PDE4B: variants seen among roughly 807,000 people sequenced by gnomAD.
The protein encoded by PDE4B is 3',5'-cyclic-AMP phosphodiesterase 4B.
In PDE4B, 20 loss-of-function variants were observed where a neutral mutation model predicts 82.2. The ratio of observed to expected loss-of-function variants is 0.24; its 90% CI spans 0.17 to 0.35. The LOEUF (loss-of-function observed/expected upper bound fraction) is 0.35. Ranked by LOEUF, PDE4B falls within the 10% of genes least tolerant of loss-of-function variation. The probability of loss-of-function intolerance (pLI) is 1.00; values close to 1 mark genes in which losing one functional copy is unlikely to be tolerated. For synonymous variants in PDE4B, 320 were observed against 318.9 expected, an observed-to-expected ratio of 1.00 and a Z score of -0.04; for missense variants, 655 against 907.2, an observed-to-expected ratio of 0.72 and a Z score of 3.57.
chr1:66,284,771 T>A (rs980340664), intron 7 of PDE4B, among the ~76,000 whole-genome samples: 1 of 152,162 alleles, frequency 6.6e-6, no homozygotes, highest in African/African-American at 2.4e-5. Flanking sequence ...GGTGTAGGGA[T>A]ATGCAGGACA....
intron 1 of PDE4B, among the ~76,000 whole-genome samples, chr1:65,887,621 T>G (rs1479629510): frequency 6.6e-6 from 1 of 151,306 alleles, no homozygotes; most frequent in African/African-American, 2.4e-5. Context: ...TTTTGCCATG[T>G]TGCCCAGGCT....
At chr1:66,164,630 TA>T (rs1392983364) in intron 3 of PDE4B, among the ~76,000 whole-genome samples, 1 of 146,104 alleles carries the variant, frequency 6.8e-6, no homozygotes, top group South Asian at 2.2e-4. Context: ...CAGTAGGGCA[TA>T]ATGCATTTGA....
chr1:65,795,893 AC>A, intron 1 of PDE4B, among the ~76,000 whole-genome samples: 1 of 152,276 alleles, frequency 6.6e-6, no homozygotes, highest in Admixed American at 6.5e-5. Context: ...CTATGTTCTT[AC>A]CCCATACATT....
chr1:66,027,670 G>C (rs560190095), intron 3 of PDE4B, among the ~76,000 whole-genome samples: 7 of 152,270 alleles, frequency 4.6e-5, no homozygotes, highest in Admixed American at 1.3e-4. Context: ...GGAGGTACAG[G>C]CATTGGGTAA....
At chr1:66,297,995 G>A (rs1657630566) in intron 7 of PDE4B, among the ~76,000 whole-genome samples, 1 of 152,092 alleles carries the variant, frequency 6.6e-6, no homozygotes, top group Non-Finnish European at 1.5e-5. Flanking sequence ...GCCCAAAGCT[G>A]TTTTAATCAT....
intron 7 of PDE4B, chr1:66,267,342 G>A (rs541754258): frequency 2.0e-5 from 3 of 152,102 alleles, no homozygotes; most frequent in African/African-American, 4.8e-5. Context: ...CATATAACTC[G>A]TGTTACATAC....
intron 3 of PDE4B, among the ~76,000 whole-genome samples, chr1:65,975,790 C>T (rs1650373233): frequency 6.6e-6 from 1 of 152,190 alleles, no homozygotes; most frequent in African/African-American, 2.4e-5. Context: ...TGGTGGCTTC[C>T]ATCTGGTGTT....
At chr1:66,371,769 G>T (rs552202422) in intron 16 of PDE4B, among the ~76,000 whole-genome samples, 12 of 152,250 alleles carry the variant, frequency 7.9e-5, no homozygotes, top group African/African-American at 2.9e-4. Context: ...CATCACTTTG[G>T]AATAGCAACA....
intron 3 of PDE4B, among the ~76,000 whole-genome samples, chr1:66,107,139 C>G (rs1162701286): frequency 6.6e-6 from 1 of 150,834 alleles, no homozygotes; most frequent in East Asian, 2.0e-4. Flanking sequence ...TATGTTGTGT[C>G]TTTGTTCTCG....
rs147911078 is a variant in PDE4B, at chr1:66,034,030, GTTC to G, written c.281+115201_281+115203del. ...TCTCTCCCTTAATCTTGATCTTTGT[GTTC>G]TTCTTTGACTTTCCATTTTATGTCT... On this transcript the variant is annotated intron_variant, in intron 3 of 16. Transcript: ENST00000341517. Among the ~76,000 whole-genome samples, 260 of 152,222 alleles carry G rather than the reference GTTC, an allele frequency of 1.7e-3. 3 individuals carry two copies. The Middle Eastern group carries it at 0.031, about 18-fold the overall frequency.
intron 8 of PDE4B, among the ~76,000 whole-genome samples, chr1:66,353,036 AC>A (rs1298900571): frequency 6.6e-6 from 1 of 152,102 alleles, no homozygotes; most frequent in Non-Finnish European, 1.5e-5. Flanking sequence ...GAGCATATAA[AC>A]TTGTTTTCTT....
chr1:66,241,564 T>C (rs968474468), intron 3 of PDE4B, among the ~76,000 whole-genome samples: 4 of 152,172 alleles, frequency 2.6e-5, no homozygotes, highest in African/African-American at 9.7e-5. Flanking sequence ...GGGAGTGCAG[T>C]GGCGCATCTT....
chr1:66,055,602 C>A (rs551427061), intron 3 of PDE4B, among the ~76,000 whole-genome samples: 1 of 152,068 alleles, frequency 6.6e-6, no homozygotes, highest in South Asian at 2.1e-4. Context: ...TATTTTTAAA[C>A]TCATCCCACT....
intron 3 of PDE4B, among the ~76,000 whole-genome samples, chr1:66,166,142 G>C (rs529032849): frequency 6.6e-6 from 1 of 152,208 alleles, no homozygotes; most frequent in Admixed American, 6.5e-5. Flanking sequence ...TGGGGGAGTG[G>C]GGGAATCGCC....
intron 3 of PDE4B, among the ~76,000 whole-genome samples, chr1:66,107,031 G>T (rs960887342): frequency 1.4e-4 from 21 of 147,948 alleles, no homozygotes; most frequent in Non-Finnish European, 2.4e-4. Flanking sequence ...TGTGATGTTA[G>T]GGTGTCAATT....
At chr1:66,332,749 A>G (rs1022908475) in intron 8 of PDE4B, 129 bp downstream of exon 8, 2 of 747,074 alleles carry the variant, frequency 2.7e-6, no homozygotes, top group Non-Finnish European at 4.3e-6. Context: ...TGCTTTGTCT[A>G]GAAGATTCTC....
chr1:66,085,097 T>A (rs769418848), intron 3 of PDE4B, among the ~76,000 whole-genome samples: 1 of 152,090 alleles, frequency 6.6e-6, no homozygotes, highest in Non-Finnish European at 1.5e-5. Flanking sequence ...TCAGCAGTGG[T>A]CCCCAGTGTG....
intron 3 of PDE4B, among the ~76,000 whole-genome samples, chr1:66,188,637 A>G (rs1305244596): frequency 6.6e-6 from 1 of 151,438 alleles, no homozygotes; most frequent in Non-Finnish European, 1.5e-5. Flanking sequence ...AGTCTGTTTT[A>G]TCAGAGACTA....
rs187474316 is a variant in PDE4B, at chr1:65,944,962, C to A, written c.281+26127C>A. ...AAGCAAAGAAAGAAGTTAACATATT[C>A]TCTGGGATAATGTATCCTGATCATC... On this transcript the variant is annotated intron_variant, in intron 3 of 16. Coordinates refer to ENST00000341517, the MANE Select transcript of PDE4B (RefSeq NM_002600.4). Among the ~76,000 whole-genome samples, 4 of 152,034 alleles carry A rather than the reference C, an allele frequency of 2.6e-5. No individual in the cohort carries two copies. In the East Asian group the frequency reaches 7.7e-4, roughly 29 times the overall value.
Sources: gnomAD v4.1 joint callset for allele counts (sites outside exome capture counted in the v4.1 genomes callset) on GRCh38, gnomAD v4.1.1 for gene constraint, MANE v1.5 for transcripts, NCBI Gene and HGNC (gene_info 2026-07-23, HGNC 2026-07-21) for gene names.